Variants in NCOR2 observed in about 807,000 individuals in gnomAD.
NCOR2 encodes the protein nuclear receptor corepressor 2.
NCOR2 carries 81 observed loss-of-function variants against 262.9 expected under a neutral mutation model. That is an observed-to-expected ratio of 0.31 (90% CI 0.26 to 0.37). The LOEUF is 0.37. Among genes scored for constraint, NCOR2 ranks in the 10% least tolerant of loss-of-function variants. The pLI is 1.00. For missense variants in NCOR2, 3,385 were observed against 3,621.4 expected (o/e 0.93, Z 1.68); for synonymous variants, 1,659 against 1,559.3 (o/e 1.06, Z -1.51).
chr12:124,561,114 C>A (rs560660558), intron 1 of NCOR2, among the ~76,000 whole-genome samples: 21 of 152,190 alleles, frequency 1.4e-4, no homozygotes, highest in Admixed American at 1.4e-3. Flanking sequence ...CATGAACCTG[C>A]ACAAAGGTTT....
chr12:124,326,463 C>A (rs2034651459), intron 45 of NCOR2, 93 bp from the exon 48 acceptor site: 1 of 1,230,274 alleles, frequency 8.1e-7, no homozygotes, highest in Non-Finnish European at 1.1e-6. Flanking sequence ...GAGGTCCTGC[C>A]ATGGGCCCTC....
At chr12:124,350,547 C>A (rs761818912) in intron 28 of NCOR2, 40 bp downstream of exon 30, 3 of 1,595,432 alleles carry the variant, frequency 1.9e-6, no homozygotes, top group Non-Finnish European at 2.6e-6. Flanking sequence ...CAAGCACACT[C>A]CTCCCCTGGT....
Position 124,363,671 on chromosome 12 carries a change from G to A in NCOR2, c.2928+8C>T. ...GGACTCTGTGGGGCTCTGGGGGTGGGCACTCACGATGGGGGGGATGGCAGC... is the reference window on the plus strand; with the variant it reads ...GGACTCTGTGGGGCTCTGGGGGTGGACACTCACGATGGGGGGGATGGCAGC... On this transcript the variant is annotated splice_region_variant and intron_variant, in intron 21 of 46. Coordinates refer to ENST00000405201, the Ensembl canonical transcript of NCOR2. The A allele has an allele frequency of 1.5e-6, 2 of 1,366,310 alleles. No homozygotes were observed. Among genetic ancestry groups the A allele is most frequent in the South Asian group, 2.1e-5 (1 of 48,532 alleles). The allele number at this position is 1,366,310 out of a possible 1,614,324, so 84.6% of individuals were successfully genotyped here.
At chr12:124,405,647 C>T (rs2042233948) in intron 13 of NCOR2, among the ~76,000 whole-genome samples, 1 of 152,220 alleles carries the variant, frequency 6.6e-6, no homozygotes, top group Non-Finnish European at 1.5e-5. Flanking sequence ...CAGGGTCTCG[C>T]AGTGGCCACC....
chr12:124,456,516 C>T (rs2045867515), intron 6 of NCOR2, among the ~76,000 whole-genome samples: 1 of 152,118 alleles, frequency 6.6e-6, no homozygotes, highest in Admixed American at 6.5e-5. Flanking sequence ...TCGCCATCAT[C>T]ATCATCATCA....
intron 17 of NCOR2, among the ~76,000 whole-genome samples, chr12:124,381,915 G>A (rs911302680): frequency 1.3e-5 from 2 of 152,230 alleles, no homozygotes; most frequent in African/African-American, 4.8e-5. Flanking sequence ...ACATAACTCC[G>A]GGACATGCCC....
intron 3 of NCOR2, among the ~76,000 whole-genome samples, chr12:124,477,808 C>T (rs1053893715): frequency 4.0e-5 from 6 of 151,166 alleles, no homozygotes; most frequent in Non-Finnish European, 5.9e-5. Flanking sequence ...ACTAATACAC[C>T]CCGCACAAGT....
Position 124,329,876 on chromosome 12 carries a change from C to A in NCOR2, c.6958+969G>T, listed in dbSNP as rs185667215. On this transcript the variant is annotated intron_variant, in intron 44 of 46. Coordinates refer to ENST00000405201, the Ensembl canonical transcript of NCOR2. ...AGATTTAGAACATCCCAGGAACATT[C>A]ATTTCTAACCCTCTTGTTGTTTCGA... is the stretch of plus-strand genomic sequence containing the variant. 3.2e-4 allele frequency among the ~76,000 whole-genome samples: 48 copies of A among 152,312 alleles called. No individual in the cohort carries two copies. The East Asian group carries it at 8.3e-3, about 26-fold the overall frequency.
At chr12:124,343,310 C>A in intron 32 of NCOR2, 84 bp from the exon 35 acceptor site, 1 of 1,141,680 alleles carries the variant, frequency 8.8e-7, no homozygotes, top group Non-Finnish European at 1.2e-6. Flanking sequence ...CTCGGGATCC[C>A]AAGGACCAGG....
At chr12:124,488,389 C>T (rs992678352) in intron 1 of NCOR2, among the ~76,000 whole-genome samples, 1 of 152,196 alleles carries the variant, frequency 6.6e-6, no homozygotes, top group South Asian at 2.1e-4. Flanking sequence ...GTGTCTTTGG[C>T]CCTGTTATTC....
At position 124,360,143 on chromosome 12, in the gene NCOR2, G is replaced by A. The variant is rs140266132; in HGVS notation, c.3100+1983C>T. ...AGTTCCAGCCCTGATCAGATCTGACGCTGGCCAAAGCTGCTGGGGCCCCTG... is the reference window on the plus strand; with the variant it reads ...AGTTCCAGCCCTGATCAGATCTGACACTGGCCAAAGCTGCTGGGGCCCCTG... On this transcript the variant is annotated intron_variant, in intron 22 of 46. Coordinates refer to ENST00000405201, the Ensembl canonical transcript of NCOR2. 2.5e-3 allele frequency among the ~76,000 whole-genome samples: 388 copies of A among 152,326 alleles called. 2 individuals carry two copies. The highest frequency in any genetic ancestry group is 4.3e-3 in the Non-Finnish European group (291 of 68,020).
intron 17 of NCOR2, among the ~76,000 whole-genome samples, chr12:124,385,214 A>G (rs1355014435): frequency 2.6e-5 from 4 of 152,184 alleles, no homozygotes; most frequent in Non-Finnish European, 5.9e-5. Context: ...GAAGGGTCTC[A>G]GCCTCCCGTG....
At chr12:124,460,426 G>A (rs1054516262) in intron 5 of NCOR2, among the ~76,000 whole-genome samples, 1 of 152,246 alleles carries the variant, frequency 6.6e-6, no homozygotes, top group African/African-American at 2.4e-5. Context: ...ACCAGGACCA[G>A]AAGAGGCCAG....
At chr12:124,419,928 A>T in intron 13 of NCOR2, 29 bp downstream of exon 15, 1 of 1,593,642 alleles carries the variant, frequency 6.3e-7, no homozygotes, top group African/African-American at 1.3e-5. Context: ...GGAGCCTGCA[A>T]GGACAGTCAC....
chr12:124,342,515 G>A (rs1235280872), intron 33 of NCOR2, among the ~76,000 whole-genome samples: 1 of 151,986 alleles, frequency 6.6e-6, no homozygotes, highest in East Asian at 1.9e-4. Flanking sequence ...GACTACAGGC[G>A]CCCGCCACCA....
chr12:124,366,135 G>A (rs974947125), intron 20 of NCOR2, among the ~76,000 whole-genome samples: 1 of 152,134 alleles, frequency 6.6e-6, no homozygotes, highest in East Asian at 1.9e-4. Context: ...AAACCTGCAC[G>A]TGCCCACCAC....
chr12:124,451,549 C>CTGTG (rs568707620), intron 6 of NCOR2, among the ~76,000 whole-genome samples: 1 of 148,672 alleles, frequency 6.7e-6, no homozygotes, highest in African/African-American at 2.5e-5. Flanking sequence ...GCCTGAGTCT[C>CTGTG]TGTGTGTGTG....
At chr12:124,545,283 G>A (rs1454050396) in intron 1 of NCOR2, among the ~76,000 whole-genome samples, 2 of 152,182 alleles carry the variant, frequency 1.3e-5, no homozygotes, top group Non-Finnish European at 2.9e-5. Flanking sequence ...TCCGCAGCAG[G>A]CCCAGGGGAA....
At chr12:124,415,604 C>T (rs1015973597) in intron 13 of NCOR2, among the ~76,000 whole-genome samples, 19 of 152,380 alleles carry the variant, frequency 1.2e-4, no homozygotes, top group African/African-American at 4.6e-4. Context: ...ACAGGGACCT[C>T]CTGCCCGGCT....
Sources: allele counts gnomAD v4.1 joint callset (sites outside exome capture counted in the v4.1 genomes callset), GRCh38; gene constraint gnomAD v4.1.1; transcripts MANE v1.5; gene names NCBI Gene and HGNC (gene_info 2026-07-23, HGNC 2026-07-21).